The following GSE1 variants were observed in gnomAD, a reference collection of about 807,000 sequenced individuals.
GSE1 encodes Gse1 coiled-coil protein, also known as genetic suppressor element 1.
Under a neutral mutation model 112.6 loss-of-function variants are expected in GSE1, and 32 were observed. The observed-to-expected ratio is 0.28, with a 90% CI of 0.21 to 0.38. The LOEUF is 0.38. Ranked by LOEUF, GSE1 falls within the 10% of genes least tolerant of loss-of-function variation. The probability of loss-of-function intolerance (pLI) is 1.00; values close to 1 mark genes in which losing one functional copy is unlikely to be tolerated. For missense variants in GSE1, 2,348 were observed against 1,699.2 expected (o/e 1.38, Z -6.71); for synonymous variants, 1,115 against 735.6 (o/e 1.52, Z -8.35).
chr16:85,576,527 C>T (rs1054543731), intron 1 of GSE1, among the ~76,000 whole-genome samples: 4 of 152,098 alleles, frequency 2.6e-5, no homozygotes, highest in Admixed American at 6.6e-5. Flanking sequence ...ACATCTGGGC[C>T]GCATGTCTTC....
intron 1 of GSE1, among the ~76,000 whole-genome samples, chr16:85,298,875 G>C (rs1340863217): frequency 6.6e-6 from 1 of 152,260 alleles, no homozygotes; most frequent in Non-Finnish European, 1.5e-5. Context: ...GGGAGCATAG[G>C]CGTTTATGGG....
At chr16:85,561,544 C>G (rs1237172576) in intron 1 of GSE1, among the ~76,000 whole-genome samples, 2 of 152,228 alleles carry the variant, frequency 1.3e-5, no homozygotes, top group Non-Finnish European at 2.9e-5. Flanking sequence ...TCACTGTCCA[C>G]TGCTAGAAAG....
chr16:85,274,342 G>A (rs143849361), intron 1 of GSE1, among the ~76,000 whole-genome samples: 2,546 of 152,088 alleles, frequency 0.017, 74 homozygotes, highest in African/African-American at 0.059. Context: ...CTGAGATCAC[G>A]CCACTGCACT....
intron 1 of GSE1, among the ~76,000 whole-genome samples, chr16:85,179,766 A>G (rs2074543759): frequency 6.6e-6 from 1 of 152,184 alleles, no homozygotes; most frequent in Non-Finnish European, 1.5e-5. Flanking sequence ...AGCTGTACTA[A>G]GAATTGAGAA....
At chr16:85,211,513 G>A (rs1054029576) in intron 1 of GSE1, among the ~76,000 whole-genome samples, 14 of 152,154 alleles carry the variant, frequency 9.2e-5, no homozygotes, top group Admixed American at 5.9e-4. Context: ...GGCGAGCCTC[G>A]CTTCAGTCAT....
intron 1 of GSE1, among the ~76,000 whole-genome samples, chr16:85,175,927 G>A (rs1335030221): frequency 2.0e-5 from 3 of 152,110 alleles, no homozygotes; most frequent in Non-Finnish European, 2.9e-5. Context: ...GACCAGCGTC[G>A]GGCCTGAGTC....
intron 1 of GSE1, among the ~76,000 whole-genome samples, chr16:85,349,709 C>G (rs750890): frequency 1.3e-5 from 2 of 152,018 alleles, no homozygotes; most frequent in Admixed American, 6.5e-5. Context: ...GAGGCGACGC[C>G]GTGTTCTTTT....
chr16:85,577,485 A>G (rs918559464), intron 1 of GSE1, among the ~76,000 whole-genome samples: 2 of 152,094 alleles, frequency 1.3e-5, no homozygotes, highest in African/African-American at 4.8e-5. Flanking sequence ...ATCCTGGGCT[A>G]GCCAGAGCTG....
chr16:85,355,064 G>T (rs1013939937), intron 1 of GSE1, among the ~76,000 whole-genome samples: 11 of 152,240 alleles, frequency 7.2e-5, no homozygotes, highest in African/African-American at 2.4e-4. Context: ...GGTCTGGCCA[G>T]TGTCACCATA....
At chr16:85,636,715 A>G (rs973253781) in intron 2 of GSE1, among the ~76,000 whole-genome samples, 13 of 152,162 alleles carry the variant, frequency 8.5e-5, no homozygotes, top group Non-Finnish European at 1.8e-4. Context: ...AGCCGCCGTT[A>G]GGACAGTTCT....
intron 1 of GSE1, among the ~76,000 whole-genome samples, chr16:85,259,399 T>TG (rs1907434304): frequency 6.6e-6 from 1 of 152,126 alleles, no homozygotes; most frequent in African/African-American, 2.4e-5. Context: ...CCTGAAGACT[T>TG]GTTTTTTGTG....
At chr16:85,462,688 G>GGGGCGCCGCGGCGC (rs2050002705) in intron 2 of GSE1, among the ~76,000 whole-genome samples, 1 of 135,390 alleles carries the variant, frequency 7.4e-6, no homozygotes, top group African/African-American at 2.7e-5. Flanking sequence ...GAGGGCGGCG[G>GGGGCGCCGCGGCGC]GGGCGCCGCG....
At chr16:85,670,928 G>T (rs150623492) in intron 14 of GSE1, 67 bp from the exon 15 acceptor site, 5 of 961,438 alleles carry the variant, frequency 5.2e-6, no homozygotes, top group East Asian at 2.4e-5. Context: ...GTGTGAAGAG[G>T]AGAGCACAAA....
intron 2 of GSE1, among the ~76,000 whole-genome samples, chr16:85,526,986 G>C (rs2052383519): frequency 6.6e-6 from 1 of 152,224 alleles, no homozygotes; most frequent in Admixed American, 6.5e-5. Context: ...GTTCACAGTG[G>C]AAGTGCCAAA....
chr16:85,481,843 G>T (rs910189791), intron 2 of GSE1, among the ~76,000 whole-genome samples: 3 of 152,332 alleles, frequency 2.0e-5, no homozygotes, highest in Middle Eastern at 3.4e-3. Context: ...GATGTTATTT[G>T]TGATGTACCT....
At chr16:85,237,609 C>A (rs1291227872) in intron 1 of GSE1, among the ~76,000 whole-genome samples, 1 of 151,852 alleles carries the variant, frequency 6.6e-6, no homozygotes, top group African/African-American at 2.4e-5. Context: ...GAGGCCGAGG[C>A]GGGCAGATCA....
intron 1 of GSE1, among the ~76,000 whole-genome samples, chr16:85,233,074 A>C (rs1353645615): frequency 6.6e-6 from 1 of 152,232 alleles, no homozygotes; most frequent in Admixed American, 6.5e-5. Context: ...TGCTAGCCCC[A>C]TGGCTCCAAA....
At chr16:85,410,033 G>C (rs1332315872) in intron 2 of GSE1, among the ~76,000 whole-genome samples, 2 of 3,622 alleles carry the variant, frequency 5.5e-4, no homozygotes, top group East Asian at 0.012. Context: ...TACACTCAGG[G>C]CCCCCCCCGG....
chr16:85,492,758 C>CA (rs2051051277), intron 2 of GSE1, among the ~76,000 whole-genome samples: 5 of 139,298 alleles, frequency 3.6e-5, no homozygotes, highest in African/African-American at 1.4e-4. Context: ...GGGATTCTGA[C>CA]ACATGACCTC....
Sources: gnomAD v4.1 joint callset for allele counts (sites outside exome capture counted in the v4.1 genomes callset) on GRCh38, gnomAD v4.1.1 for gene constraint, MANE v1.5 for transcripts, NCBI Gene and HGNC (gene_info 2026-07-23, HGNC 2026-07-21) for gene names.